The following PRSS55 variants were observed in gnomAD, a reference collection of about 807,000 sequenced individuals.
PRSS55 encodes serine protease 55.
In PRSS55, 41 loss-of-function variants were observed where a neutral mutation model predicts 23.6. That is an observed-to-expected ratio of 1.74 (90% confidence interval 1.35 to 2.26). The LOEUF is 2.26. Among genes scored for constraint, PRSS55 ranks in the 30% most tolerant of loss-of-function variants. The pLI, the probability that PRSS55 is intolerant of heterozygous loss-of-function variation, is 0.00. For missense variants in PRSS55, 669 were observed against 439.1 expected, an observed-to-expected ratio of 1.52 and a Z score of -4.68; for synonymous variants, 262 against 175.5, an observed-to-expected ratio of 1.49 and a Z score of -3.90.
rs938809307 is a variant in PRSS55, at chr8:10,536,293, G to A, written c.742-2183G>A. Among the ~76,000 whole-genome samples the A allele has an allele frequency of 2.6e-5, 4 of 152,132 alleles. No individual in the cohort carries two copies. The South Asian group carries it at 6.2e-4, about 24-fold the overall frequency. ...CAATATCACTAATTATTAGAGAAAT[G>A]CAAATCAAAGCCACAATGAGATATC... On this transcript the variant is annotated intron_variant, in intron 4 of 4. Transcript: ENST00000328655.
intron 4 of PRSS55, among the ~76,000 whole-genome samples, chr8:10,546,772 C>G (rs1414637696): frequency 6.6e-6 from 1 of 152,172 alleles, no homozygotes; most frequent in Non-Finnish European, 1.5e-5. Context: ...AAGCCTCACC[C>G]TTCCAGGCTC....
chr8:10,538,207 A>G (rs563893956), intron 4 of PRSS55, among the ~76,000 whole-genome samples: 18 of 152,220 alleles, frequency 1.2e-4, no homozygotes, highest in African/African-American at 4.1e-4. Flanking sequence ...TGTGCTGCAG[A>G]TGGAGTGGTC....
chr8:10,526,758 G>A (rs943278420), intron 1 of PRSS55, among the ~76,000 whole-genome samples: 12 of 152,216 alleles, frequency 7.9e-5, no homozygotes, highest in African/African-American at 2.7e-4. Flanking sequence ...TGACTTTGGT[G>A]CAAGCACTTG....
chr8:10,532,373 G>A (rs1444831453), intron 3 of PRSS55, among the ~76,000 whole-genome samples: 1 of 152,160 alleles, frequency 6.6e-6, no homozygotes, highest in African/African-American at 2.4e-5. Context: ...ATGAGATGGA[G>A]AGGAATTCAG....
intron 4 of PRSS55, among the ~76,000 whole-genome samples, chr8:10,545,947 C>T (rs1318786955): frequency 2.0e-5 from 3 of 152,208 alleles, no homozygotes; most frequent in African/African-American, 7.2e-5. Context: ...ATGCTGGGCC[C>T]CTCCCTGCAG....
downstream of PRSS55, among the ~76,000 whole-genome samples, chr8:10,542,212 A>G (rs889299026): frequency 4.6e-5 from 7 of 152,264 alleles, no homozygotes; most frequent in African/African-American, 1.7e-4. Flanking sequence ...CTAGAGTCAC[A>G]CAGTGTAGTG....
chr8:10,553,360 G>C (rs560962554), intron 4 of PRSS55, among the ~76,000 whole-genome samples: 1 of 152,180 alleles, frequency 6.6e-6, no homozygotes. Flanking sequence ...CTTTATGGCA[G>C]TGTGAGAATG....
chr8:10,539,046 TATAAC>T (rs1812560555), downstream of PRSS55, among the ~76,000 whole-genome samples: 1 of 147,876 alleles, frequency 6.8e-6, no homozygotes, highest in Non-Finnish European at 1.5e-5. Context: ...TATGGATACA[TATAAC>T]AGAAAAAAAA....
intron 4 of PRSS55, among the ~76,000 whole-genome samples, chr8:10,552,445 G>C (rs1166135220): frequency 2.0e-5 from 3 of 152,172 alleles, no homozygotes; most frequent in African/African-American, 7.2e-5. Flanking sequence ...AAACTAAGAA[G>C]CTTCTACACA....
Position 10,529,619 on chromosome 8 carries a change from T to C in PRSS55, c.267T>C (p.Ser89=), listed in dbSNP as rs760383989. The C allele has an allele frequency of 6.2e-6, 10 of 1,614,058 alleles. No individual in the cohort carries two copies. The highest frequency in any genetic ancestry group is 2.2e-5 in the East Asian group (1 of 44,864). The change falls in exon 2 of 5, where the codon AGT becomes AGC. Residue 89 remains serine (S), a synonymous_variant. Coordinates refer to ENST00000328655, the MANE Select transcript of PRSS55 (RefSeq NM_198464.4). ...GGCAGGTGAGTATTCAGGCAAGAAG[T>C]GAACCTTTCTGTGGCGGCTCCATCC... The part of the protein sequence containing the change: ...FPWQVSIQAR[S]EPFCGGSILN...
intron 4 of PRSS55, among the ~76,000 whole-genome samples, chr8:10,551,649 A>C (rs1190942089): frequency 6.6e-6 from 1 of 152,244 alleles, no homozygotes; most frequent in African/African-American, 2.4e-5. Context: ...CCGATGTGCC[A>C]ATGACAGCGG....
At chr8:10,528,265 G>T (rs76035352) in intron 1 of PRSS55, among the ~76,000 whole-genome samples, 2,226 of 151,510 alleles carry the variant, frequency 0.015, 60 homozygotes, top group African/African-American at 0.051. Flanking sequence ...GAAGGCTCTG[G>T]ATGCACATTG....
intron 4 of PRSS55, among the ~76,000 whole-genome samples, chr8:10,533,784 T>C (rs879776188): frequency 8.5e-5 from 13 of 152,138 alleles, no homozygotes; most frequent in Non-Finnish European, 1.5e-4. Flanking sequence ...GACCTTGTCG[T>C]TGGTATAAAA....
At chr8:10,533,177 C>A in intron 4 of PRSS55, 129 bp downstream of exon 4, 2 of 1,000,050 alleles carry the variant, frequency 2.0e-6, no homozygotes, top group Non-Finnish European at 2.9e-6. Flanking sequence ...TTAGGGCCTG[C>A]AGCCATGAGA....
downstream of PRSS55, chr8:10,538,846 C>A: frequency 1.3e-6 from 2 of 1,481,522 alleles, no homozygotes; most frequent in African/African-American, 1.4e-5. Context: ...GCAAGTGCGT[C>A]TCCAGCAGAG....
At chr8:10,537,288 T>C (rs1352476769) in intron 4 of PRSS55, among the ~76,000 whole-genome samples, 1 of 152,188 alleles carries the variant, frequency 6.6e-6, no homozygotes, top group Non-Finnish European at 1.5e-5. Flanking sequence ...CGGAATATTA[T>C]TCAGCCATAA....
intron 1 of PRSS55, 107 bp from the exon 2 acceptor site, chr8:10,529,400 G>A (rs1333726182): frequency 9.0e-7 from 1 of 1,116,914 alleles, no homozygotes; most frequent in South Asian, 1.3e-5. Context: ...GAATGGGGAT[G>A]AGGATATCCA....
At chr8:10,545,928 C>CGT (rs939568430) in intron 4 of PRSS55, among the ~76,000 whole-genome samples, 2 of 152,176 alleles carry the variant, frequency 1.3e-5, no homozygotes, top group African/African-American at 4.8e-5. Context: ...TCTTTGCTTG[C>CGT]GTGTGTGAAT....
At chr8:10,533,140 A>G (rs1288921247) in intron 4 of PRSS55, 92 bp downstream of exon 4, 6 of 1,357,328 alleles carry the variant, frequency 4.4e-6, no homozygotes, top group Non-Finnish European at 6.1e-6. Context: ...CAAATAGACA[A>G]TTCTGAGTCT....
Sources: gnomAD v4.1 joint callset for allele counts (sites outside exome capture counted in the v4.1 genomes callset) on GRCh38, gnomAD v4.1.1 for gene constraint, MANE v1.5 for transcripts, NCBI Gene and HGNC (gene_info 2026-07-23, HGNC 2026-07-21) for gene names.